The following KDM4B variants were observed in gnomAD, a reference collection of about 807,000 sequenced individuals.
KDM4B encodes lysine demethylase 4B, also known as lysine-specific demethylase 4B.
A neutral mutation model predicts 125.2 loss-of-function variants in KDM4B; 32 were observed. The observed-to-expected ratio is 0.26, with a 90% confidence interval of 0.19 to 0.34. The LOEUF (loss-of-function observed/expected upper bound fraction) is 0.34. KDM4B is among the 10% of genes least tolerant of loss of function. KDM4B has a pLI of 1.00. For synonymous variants in KDM4B, 721 were observed against 677.9 expected (o/e 1.06, Z -0.99); for missense variants, 1,190 against 1,577.7 (o/e 0.75, Z 4.16).
chr19:5,140,004 C>T (rs1233156084), intron 18 of KDM4B, among the ~76,000 whole-genome samples: 4 of 152,322 alleles, frequency 2.6e-5, no homozygotes, highest in Non-Finnish European at 5.9e-5. Flanking sequence ...GGGACAGATT[C>T]CTCGACCTCT....
intron 2 of KDM4B, among the ~76,000 whole-genome samples, chr19:5,017,854 C>T (rs1314819725): frequency 6.6e-6 from 1 of 151,786 alleles, no homozygotes; most frequent in African/African-American, 2.4e-5. Context: ...CATTCTCCTG[C>T]CTCAGCCTCC....
In KDM4B at chr19:5,152,376, T is replaced by C. The variant is rs2620828; in HGVS notation, c.*865T>C. 0.62 allele frequency: 94,727 copies of C among 152,198 alleles called. 29,649 individuals are homozygous for C. Among genetic ancestry groups the C allele is most frequent in the African/African-American group, 0.69 (28,694 of 41,508 alleles). 9.4% of individuals were successfully genotyped at this position (152,198 alleles called of 1,614,324 possible). A position where few individuals can be genotyped will look rare whatever the true frequency, so the allele number is the denominator to read the frequency against. ...TTTGTCTATCTTTGTTTCTCTCACCTGAGAGAAACGCAGGTGTTCCAGAGG... is the reference window on the plus strand; with the variant it reads ...TTTGTCTATCTTTGTTTCTCTCACCCGAGAGAAACGCAGGTGTTCCAGAGG... On this transcript the variant is annotated 3_prime_UTR_variant, in exon 23 of 23. Transcript: ENST00000159111.
In KDM4B at chr19:5,114,101, G is replaced by A. The variant is rs573833719; in HGVS notation, c.1115+3283G>A. 1.8e-4 allele frequency: 233 copies of A among 1,289,456 alleles called. 1 individual carries two copies. The East Asian group carries it at 3.4e-3, about 19-fold the overall frequency. The allele number at this position is 1,289,456 out of a possible 1,614,324, so 79.9% of individuals were successfully genotyped here. Reference sequence around the variant, plus strand: ...CCTCAGCCTCCCCACTCCCGGTGGCGCTGTGCGTTCTGGTGCCCTGCCTGA... The same window carrying A: ...CCTCAGCCTCCCCACTCCCGGTGGCACTGTGCGTTCTGGTGCCCTGCCTGA... On this transcript the variant is annotated intron_variant, in intron 10 of 22. Transcript: ENST00000159111. The surrounding 1 kb of genome is among the most constrained non-coding windows in gnomAD (Gnocchi z 5.8).
At chr19:5,140,062 G>A (rs1191393783) in intron 18 of KDM4B, among the ~76,000 whole-genome samples, 2 of 152,204 alleles carry the variant, frequency 1.3e-5, no homozygotes, top group South Asian at 2.1e-4. Flanking sequence ...CACAGTCCCC[G>A]CCATGCAGGG....
At chr19:5,112,196 T>C (rs2145990320) in intron 10 of KDM4B, 1 of 226,314 alleles carries the variant, frequency 4.4e-6, no homozygotes, top group South Asian at 7.0e-5. Context: ...AAGGCTGCAG[T>C]GAGCCGAGAT....
intron 5 of KDM4B, 22 bp downstream of exon 5, chr19:5,041,273 A>G (rs1184276855): frequency 5.1e-6 from 8 of 1,578,280 alleles, no homozygotes; most frequent in Non-Finnish European, 7.0e-6. Flanking sequence ...GCTCCGGGGA[A>G]GAACAGGGAC....
rs969968947 is a variant in KDM4B, at chr19:5,048,433, T to C, written c.626+764T>C. ...GGTGCTCCGCGGGGCTGCCCTGCAC[T>C]GTCCTCCAAGGGCCGCTAGGTGGCG... On this transcript the variant is annotated intron_variant, in intron 6 of 22. Transcript: ENST00000159111. Among the ~76,000 whole-genome samples the C allele has an allele frequency of 3.9e-5, 6 of 152,314 alleles. No individual in the cohort carries two copies. In the South Asian group the frequency reaches 1.2e-3, roughly 32 times the overall value.
intron 10 of KDM4B, among the ~76,000 whole-genome samples, chr19:5,118,191 C>G (rs904208069): frequency 3.9e-5 from 6 of 152,228 alleles, no homozygotes; most frequent in Admixed American, 2.0e-4. Context: ...TTGGTGACCA[C>G]TTGGTCCTTG....
intron 9 of KDM4B, among the ~76,000 whole-genome samples, chr19:5,101,716 C>G (rs1244628255): frequency 6.8e-6 from 1 of 146,222 alleles, no homozygotes; most frequent in African/African-American, 2.6e-5. Context: ...CTGGGGAGAT[C>G]CGGGTGGGCT....
At position 5,135,781 on chromosome 19, in the gene KDM4B, G is replaced by C. The variant is rs1206131613; in HGVS notation, c.2308+220G>C. ...TCCCACCATCTAGAGCAGGGGGAAA[G>C]GCTGTGGCCATGGAAGGGCTGGATG... On this transcript the variant is annotated intron_variant, in intron 15 of 22. Transcript: ENST00000159111. 3.9e-5 allele frequency among the ~76,000 whole-genome samples: 6 copies of C among 152,364 alleles called. No individual in the cohort carries two copies. The East Asian group carries it at 5.8e-4, about 15-fold the overall frequency.
chr19:5,127,558 C>T (rs1254098693), intron 11 of KDM4B, among the ~76,000 whole-genome samples: 1 of 152,198 alleles, frequency 6.6e-6, no homozygotes, highest in Non-Finnish European at 1.5e-5. Context: ...ACTGCTGTCT[C>T]CAGACAGGGG....
intron 5 of KDM4B, among the ~76,000 whole-genome samples, chr19:5,042,952 G>T (rs1158999938): frequency 6.8e-6 from 1 of 147,786 alleles, no homozygotes; most frequent in Non-Finnish European, 1.5e-5. Context: ...TTTTGTGCAC[G>T]AAGCGAAGTT....
chr19:5,079,161 T>TTCTGTA (rs1599570545), intron 8 of KDM4B: 1 of 152,246 alleles, frequency 6.6e-6, no homozygotes, highest in Non-Finnish European at 1.5e-5. Context: ...AAGTGTGTAC[T>TTCTGTA]TCTGTAATCT....
At chr19:5,136,928 G>A (rs1050321846) in intron 15 of KDM4B, among the ~76,000 whole-genome samples, 5 of 152,196 alleles carry the variant, frequency 3.3e-5, no homozygotes, top group African/African-American at 1.2e-4. Context: ...GCTGTTGGGG[G>A]TGCAGACACC....
intron 9 of KDM4B, among the ~76,000 whole-genome samples, chr19:5,107,152 C>T (rs925689173): frequency 4.6e-5 from 7 of 152,230 alleles, no homozygotes; most frequent in Non-Finnish European, 7.3e-5. Flanking sequence ...CCAGCTTCCC[C>T]GGCAGCTCTC....
chr19:5,089,164 G>A lies in KDM4B; in HGVS notation c.918+6660G>A, dbSNP rs371476588. On this transcript the variant is annotated intron_variant, in intron 9 of 22. Transcript: ENST00000159111. ...CACAAGCTCCTGCGTCGCACACCTGGTGAATTGTAGGGCACACGAATCTCA... is the reference window on the plus strand; with the variant it reads ...CACAAGCTCCTGCGTCGCACACCTGATGAATTGTAGGGCACACGAATCTCA... 3.3e-5 allele frequency among the ~76,000 whole-genome samples: 5 copies of A among 152,314 alleles called. No homozygotes were observed. In the East Asian group the frequency reaches 5.8e-4, roughly 18 times the overall value.
intron 1 of KDM4B, among the ~76,000 whole-genome samples, chr19:5,015,688 AAAAAAT>A (rs1409861514): frequency 6.6e-6 from 1 of 152,182 alleles, no homozygotes; most frequent in African/African-American, 2.4e-5. Context: ...TGTCTCTTAA[AAAAAAT>A]AAAAATAAAA....
chr19:4,972,069 T>C (rs1241402119), intron 1 of KDM4B, among the ~76,000 whole-genome samples: 2 of 152,186 alleles, frequency 1.3e-5, no homozygotes, highest in Admixed American at 1.3e-4. Context: ...GGCAGCTCGA[T>C]GGGGTCTTCA....
intron 1 of KDM4B, among the ~76,000 whole-genome samples, chr19:5,012,515 C>A (rs80062348): frequency 7.2e-5 from 11 of 152,210 alleles, no homozygotes; most frequent in African/African-American, 2.2e-4. Context: ...TCCTGGGATC[C>A]CTCGTGGCCC....
Sources: allele counts gnomAD v4.1 joint callset (sites outside exome capture counted in the v4.1 genomes callset), GRCh38; gene constraint gnomAD v4.1.1; non-coding constraint Gnocchi (gnomAD v3.1); transcripts MANE v1.5; gene names NCBI Gene and HGNC (gene_info 2026-07-23, HGNC 2026-07-21).